EYA2: variants seen among roughly 807,000 people sequenced by gnomAD.
EYA2 encodes the protein EYA transcriptional coactivator and phosphatase 2.
Under a neutral mutation model 69.2 loss-of-function variants are expected in EYA2, and 31 were observed. The observed-to-expected ratio is 0.45, with a 90% CI of 0.34 to 0.60. EYA2 has a LOEUF of 0.60. Ranked by LOEUF, EYA2 falls within the 20% of genes least tolerant of loss-of-function variation. The probability of loss-of-function intolerance (pLI) is 0.02; values close to 1 mark genes in which losing one functional copy is unlikely to be tolerated. For synonymous variants in EYA2, 257 were observed against 279.4 expected (o/e 0.92, Z 0.80); for missense variants, 622 against 701.2 (o/e 0.89, Z 1.28).
chr20:47,007,321 G>A (rs763117115), intron 4 of EYA2, among the ~76,000 whole-genome samples: 4 of 152,226 alleles, frequency 2.6e-5, no homozygotes, highest in African/African-American at 4.8e-5. Flanking sequence ...GGATGGGAAA[G>A]GCCTTTTAAA....
intron 1 of EYA2, among the ~76,000 whole-genome samples, chr20:46,903,648 G>A (rs1399881028): frequency 6.6e-6 from 1 of 152,152 alleles, no homozygotes; most frequent in African/African-American, 2.4e-5. Context: ...CGTCTGTAAA[G>A]CAGGGTGAAT....
intron 1 of EYA2, among the ~76,000 whole-genome samples, chr20:46,982,284 G>C (rs1201686): frequency 0.24 from 35,887 of 152,000 alleles, 7,542 homozygotes; most frequent in East Asian, 0.55. Context: ...CCATTGTTTT[G>C]TGGTTTCCAT....
At chr20:46,923,151 T>A (rs6124894) in intron 1 of EYA2, among the ~76,000 whole-genome samples, 21,407 of 152,152 alleles carry the variant, frequency 0.14, 2,233 homozygotes, top group East Asian at 0.48. Context: ...GCGGATCACT[T>A]GAGGCCAGGA....
chr20:46,900,308 C>T (rs1487724705), intron 1 of EYA2, among the ~76,000 whole-genome samples: 1 of 152,170 alleles, frequency 6.6e-6, no homozygotes, highest in African/African-American at 2.4e-5. Flanking sequence ...TTTTGTCTCG[C>T]GTCAGCTAAA....
chr20:46,948,130 GA>G (rs1177017679), intron 1 of EYA2, among the ~76,000 whole-genome samples: 1 of 148,010 alleles, frequency 6.8e-6, no homozygotes, highest in Non-Finnish European at 1.5e-5. Flanking sequence ...AAAAGAAAAA[GA>G]AAAAAGAAAA....
chr20:47,131,077 G>C (rs1017879891), intron 9 of EYA2, among the ~76,000 whole-genome samples: 3 of 151,870 alleles, frequency 2.0e-5, no homozygotes, highest in African/African-American at 7.3e-5. Flanking sequence ...CTACAAGAGC[G>C]AAACTCCATC....
intron 9 of EYA2, chr20:47,117,496 T>A: frequency 1.0e-6 from 1 of 985,260 alleles, no homozygotes; most frequent in South Asian, 4.7e-5. Context: ...ACCACAGTCC[T>A]CCCCGATTCC....
intron 1 of EYA2, among the ~76,000 whole-genome samples, chr20:46,931,301 G>A (rs1426647547): frequency 1.3e-5 from 2 of 152,224 alleles, no homozygotes; most frequent in African/African-American, 2.4e-5. Context: ...CTAAAATATA[G>A]ATTGTATCTT....
intron 5 of EYA2, among the ~76,000 whole-genome samples, chr20:47,031,366 GT>G (rs1269208674): frequency 6.6e-6 from 1 of 152,188 alleles, no homozygotes; most frequent in Non-Finnish European, 1.5e-5. Context: ...AGGTGATCTG[GT>G]TTGCATCTCA....
At chr20:46,995,686 G>A (rs964397071) in intron 2 of EYA2, among the ~76,000 whole-genome samples, 3 of 152,196 alleles carry the variant, frequency 2.0e-5, no homozygotes, top group Non-Finnish European at 4.4e-5. Context: ...CTTAGAAGCC[G>A]GCCCCTGGGG....
chr20:47,144,210 G>A (rs2146601015), intron 10 of EYA2, among the ~76,000 whole-genome samples: 1 of 152,234 alleles, frequency 6.6e-6, no homozygotes, highest in Non-Finnish European at 1.5e-5. Context: ...ACAAAAATTA[G>A]CCGGGCATGG....
intron 1 of EYA2, among the ~76,000 whole-genome samples, chr20:46,921,449 C>T (rs745567466): frequency 4.1e-4 from 62 of 152,230 alleles, no homozygotes; most frequent in Non-Finnish European, 7.8e-4. Flanking sequence ...TTTCTTTCTT[C>T]TCCTTTCTCG....
intron 1 of EYA2, among the ~76,000 whole-genome samples, chr20:46,976,186 T>A (rs1038428618): frequency 1.3e-5 from 2 of 152,130 alleles, no homozygotes; most frequent in East Asian, 3.9e-4. Flanking sequence ...CAAAGTGAGA[T>A]GCCTGTCTCC....
intron 9 of EYA2, among the ~76,000 whole-genome samples, chr20:47,100,262 T>C (rs6090626): frequency 0.11 from 16,440 of 152,190 alleles, 1,077 homozygotes; most frequent in East Asian, 0.23. Flanking sequence ...AATCAGGAGA[T>C]TGCACAGACC....
chr20:47,178,626 G>T (rs1278011868), intron 12 of EYA2, among the ~76,000 whole-genome samples: 1 of 152,142 alleles, frequency 6.6e-6, no homozygotes, highest in Non-Finnish European at 1.5e-5. Flanking sequence ...AATACCCAGG[G>T]TAGCTCTGGA....
At chr20:46,982,390 AC>A (rs1980890299) in intron 1 of EYA2, among the ~76,000 whole-genome samples, 1 of 152,188 alleles carries the variant, frequency 6.6e-6, no homozygotes, top group Admixed American at 6.5e-5. Context: ...TAATTTGTGC[AC>A]ATGTGCAGTT....
Position 47,182,628 on chromosome 20 carries a change from T to TCA in EYA2, c.1436-663_1436-662insCA, listed in dbSNP as rs779945744. On this transcript the variant is annotated intron_variant, in intron 14 of 15. Coordinates refer to ENST00000327619, the MANE Select transcript of EYA2 (RefSeq NM_005244.5). ...TGGGCAACAAGAACGAGACTCCGTC[T>TCA]AAAAAAAAAAAAAAAAGGTTAAGAT... is the stretch of plus-strand genomic sequence containing the variant. Among the ~76,000 whole-genome samples, 120 of 84,332 alleles carry TCA rather than the reference T, an allele frequency of 1.4e-3. 16 individuals carry two copies. Among genetic ancestry groups the TCA allele is most frequent in the Middle Eastern group, 0.017 (2 of 120 alleles). 55.3% of individuals were successfully genotyped at this position (84,332 alleles called of 152,430 possible).
At chr20:46,962,329 A>G (rs1157667127) in intron 1 of EYA2, among the ~76,000 whole-genome samples, 1 of 152,204 alleles carries the variant, frequency 6.6e-6, no homozygotes, top group Non-Finnish European at 1.5e-5. Context: ...GCCCAGTCAG[A>G]GCAGATTTTG....
chr20:47,158,757 C>T (rs1399302797), intron 10 of EYA2, among the ~76,000 whole-genome samples: 4 of 151,874 alleles, frequency 2.6e-5, no homozygotes, highest in South Asian at 2.1e-4. Flanking sequence ...CAAAGTGATA[C>T]GTTATGCCAG....
Sources: allele counts gnomAD v4.1 joint callset (sites outside exome capture counted in the v4.1 genomes callset), GRCh38; gene constraint gnomAD v4.1.1; transcripts MANE v1.5; gene names NCBI Gene and HGNC (gene_info 2026-07-23, HGNC 2026-07-21).